Variants in MAP7 observed in about 807,000 individuals in gnomAD.
MAP7 encodes the protein microtubule associated protein 7, also known as ensconsin.
In MAP7, 52 loss-of-function variants were observed where a neutral mutation model predicts 94.8. The observed-to-expected ratio is 0.55, with a 90% CI of 0.44 to 0.69. The LOEUF (loss-of-function observed/expected upper bound fraction) is 0.69. Ranked by LOEUF, MAP7 falls within the 30% of genes least tolerant of loss-of-function variation. The pLI is 0.00. For synonymous variants in MAP7, 350 were observed against 357.0 expected (o/e 0.98, Z 0.22); for missense variants, 940 against 964.6 (o/e 0.97, Z 0.34).
chr6:136,496,687 T>C (rs9402816), intron 1 of MAP7, among the ~76,000 whole-genome samples: 9 of 150,048 alleles, frequency 6.0e-5, no homozygotes, highest in Non-Finnish European at 3.0e-5. Flanking sequence ...CACCTGTAAT[T>C]CCAGCACTTT....
chr6:136,482,838 G>A (rs371599701), intron 1 of MAP7, among the ~76,000 whole-genome samples: 17 of 152,170 alleles, frequency 1.1e-4, no homozygotes, highest in South Asian at 2.1e-4. Context: ...TTTTAAAACC[G>A]CTAAACTGTG....
intron 1 of MAP7, among the ~76,000 whole-genome samples, 175 bp from the exon 2 acceptor site, chr6:136,421,974 T>A (rs1562382365): frequency 6.6e-6 from 1 of 152,092 alleles, no homozygotes; most frequent in Non-Finnish European, 1.5e-5. Flanking sequence ...GAAGAACACA[T>A]AAAAAATCAA....
chr6:136,358,254 GCAAA>G (rs955955939), intron 15 of MAP7, among the ~76,000 whole-genome samples: 1 of 152,148 alleles, frequency 6.6e-6, no homozygotes, highest in African/African-American at 2.4e-5. Context: ...GGGGGAAAAT[GCAAA>G]CAAACCAACA....
intron 1 of MAP7, among the ~76,000 whole-genome samples, chr6:136,528,815 C>T (rs2129055541): frequency 6.6e-6 from 1 of 152,288 alleles, no homozygotes; most frequent in South Asian, 2.1e-4. Context: ...GAAAAGCAAA[C>T]AGCACAAGAT....
intron 1 of MAP7, among the ~76,000 whole-genome samples, chr6:136,491,116 T>A (rs1029318386): frequency 6.6e-6 from 1 of 152,230 alleles, no homozygotes; most frequent in Non-Finnish European, 1.5e-5. Flanking sequence ...GTGTTAACTA[T>A]ATAAATTCTC....
At chr6:136,423,281 T>C (rs562404073) in intron 1 of MAP7, among the ~76,000 whole-genome samples, 15 of 152,160 alleles carry the variant, frequency 9.9e-5, no homozygotes, top group Non-Finnish European at 2.1e-4. Context: ...AAGTCTTAAT[T>C]TCCCCATCTG....
intron 1 of MAP7, among the ~76,000 whole-genome samples, chr6:136,540,059 A>C (rs540456037): frequency 6.6e-6 from 1 of 152,320 alleles, no homozygotes; most frequent in African/African-American, 2.4e-5. Flanking sequence ...TCAAAGCACA[A>C]GTTGAATAAT....
rs1184600806 is a variant in MAP7 at position 136,449,124 on chromosome 6, A to G, written c.68-27325T>C. Among the ~76,000 whole-genome samples the G allele has an allele frequency of 5.3e-5, 8 of 151,956 alleles. No individual in the cohort carries two copies. The East Asian group carries it at 1.6e-3, about 30-fold the overall frequency. On this transcript the variant is annotated intron_variant, in intron 1 of 17. Coordinates refer to ENST00000354570, the MANE Select transcript of MAP7 (RefSeq NM_003980.6). ...GAGATCGAGACCACGGTGAAACCCC[A>G]TCTCTACTAAAAATACAAAAATTAG...
rs543617233 is a variant in MAP7, at chr6:136,467,498, C to T, written c.68-45699G>A. Among the ~76,000 whole-genome samples the T allele has an allele frequency of 2.6e-5, 4 of 152,252 alleles. No homozygotes were observed. In the South Asian group the frequency reaches 8.3e-4, roughly 32 times the overall value. On this transcript the variant is annotated intron_variant, in intron 1 of 17. Coordinates refer to ENST00000354570, the MANE Select transcript of MAP7 (RefSeq NM_003980.6). ...AGTTCTGAATAATTCTGAAGGCTTT[C>T]CCAGGGGAGAAGAAGAACTAGTGAA... is the stretch of plus-strand genomic sequence containing the variant.
intron 3 of MAP7, among the ~76,000 whole-genome samples, chr6:136,407,641 G>A (rs544901328): frequency 6.6e-6 from 1 of 152,342 alleles, no homozygotes; most frequent in African/African-American, 2.4e-5. Flanking sequence ...TACTGGGCTA[G>A]TTGATAGTAG....
At chr6:136,465,127 C>T (rs961641556) in intron 1 of MAP7, among the ~76,000 whole-genome samples, 3 of 152,164 alleles carry the variant, frequency 2.0e-5, no homozygotes, top group Non-Finnish European at 4.4e-5. Flanking sequence ...AGGACAGCTC[C>T]CCCTGCACCT....
At chr6:136,344,332 A>C (rs1335813587) in intron 17 of MAP7, 94 bp from the exon 18 acceptor site, 2 of 482,806 alleles carry the variant, frequency 4.1e-6, no homozygotes, top group Admixed American at 8.6e-5. Flanking sequence ...AATTTCTAAA[A>C]CTTACTATAC....
Position 136,361,001 on chromosome 6 carries a change from G to A in MAP7, c.1701+4C>T, listed in dbSNP as rs1792543183. On this transcript the variant is annotated splice_donor_region_variant and intron_variant, in intron 12 of 17. Coordinates refer to ENST00000354570, the MANE Select transcript of MAP7 (RefSeq NM_003980.6). The stretch of plus-strand genomic sequence containing the variant: ...GCCGGGGCCAGGGTGGGGTGCGGCC[G>A]CACCTGCCTCTGGGCGCGCTCTGCC... 1.5e-5 allele frequency: 24 copies of A among 1,563,378 alleles called. No individual in the cohort carries two copies. Among genetic ancestry groups the A allele is most frequent in the East Asian group, 2.3e-5 (1 of 43,022 alleles).
chr6:136,541,331 A>G (rs1304697968), intron 1 of MAP7, among the ~76,000 whole-genome samples: 1 of 152,170 alleles, frequency 6.6e-6, no homozygotes, highest in Non-Finnish European at 1.5e-5. Flanking sequence ...GATCCTAGAG[A>G]ACTTTTCTAC....
At position 136,361,311 on chromosome 6, in the gene MAP7, A is replaced by G. The variant is rs146778718; in HGVS notation, c.1527-132T>C. The G allele has an allele frequency of 3.2e-3, 2,772 of 876,876 alleles. 11 individuals carry two copies. The highest frequency in any genetic ancestry group is 6.8e-3 in the South Asian group (455 of 67,354). The allele number at this position is 876,876 out of a possible 1,614,324, so 54.3% of individuals were successfully genotyped here. On this transcript the variant is annotated intron_variant, in intron 11 of 17. Coordinates refer to ENST00000354570, the MANE Select transcript of MAP7 (RefSeq NM_003980.6). Reference sequence around the variant, plus strand: ...AGAAAAATCCCCACTGGATGCCTTCACCACTGCTAAGGGACAAAGCGCGAA... The same window carrying G: ...AGAAAAATCCCCACTGGATGCCTTCGCCACTGCTAAGGGACAAAGCGCGAA...
At chr6:136,501,248 G>C (rs1026077819) in intron 1 of MAP7, among the ~76,000 whole-genome samples, 1 of 152,096 alleles carries the variant, frequency 6.6e-6, no homozygotes, top group African/African-American at 2.4e-5. Context: ...ATGAAGCTTC[G>C]GGCAACAGAC....
intron 1 of MAP7, among the ~76,000 whole-genome samples, chr6:136,522,221 C>T (rs1826584126): frequency 6.6e-6 from 1 of 152,090 alleles, no homozygotes; most frequent in Non-Finnish European, 1.5e-5. Flanking sequence ...CTTGAGGTTC[C>T]GAGGTATAAG....
chr6:136,520,501 G>A (rs575070349), intron 1 of MAP7, among the ~76,000 whole-genome samples: 9 of 152,188 alleles, frequency 5.9e-5, no homozygotes, highest in Non-Finnish European at 1.0e-4. Context: ...GGTATAAAGA[G>A]GAGTGAGTCC....
chr6:136,455,181 C>T (rs1802503630), intron 1 of MAP7, among the ~76,000 whole-genome samples: 1 of 151,262 alleles, frequency 6.6e-6, no homozygotes, highest in South Asian at 2.1e-4. Context: ...AATGAAAACT[C>T]TAGAAATATG....
Sources: allele counts gnomAD v4.1 joint callset (sites outside exome capture counted in the v4.1 genomes callset), GRCh38; gene constraint gnomAD v4.1.1; transcripts MANE v1.5; gene names NCBI Gene and HGNC (gene_info 2026-07-23, HGNC 2026-07-21).